PCDHGA5: variants seen among roughly 807,000 people sequenced by gnomAD.
PCDHGA5 encodes the protein protocadherin gamma subfamily A, 5.
A neutral mutation model predicts 56.7 loss-of-function variants in PCDHGA5; 36 were observed. That is an observed-to-expected ratio of 0.64 (90% confidence interval 0.49 to 0.84). PCDHGA5 has a LOEUF of 0.84. Ranked by LOEUF, PCDHGA5 falls within the 40% of genes least tolerant of loss-of-function variation. The pLI is 0.00. For synonymous variants in PCDHGA5, 563 were observed against 520.2 expected (o/e 1.08, Z -1.12); for missense variants, 1,305 against 1,201.5 (o/e 1.09, Z -1.27).
intron 1 of PCDHGA5, among the ~76,000 whole-genome samples, chr5:141,438,828 A>T (rs1364963084): frequency 6.7e-6 from 1 of 149,956 alleles, no homozygotes; most frequent in Non-Finnish European, 1.5e-5. Context: ...TGCCCAGCTA[A>T]TTTTTTAAAA....
In PCDHGA5 at chr5:141,366,458, G is replaced by A. The variant is rs555568322; in HGVS notation, c.2128G>A (p.Val710Met). 4 of 1,614,092 alleles carry A rather than the reference G, an allele frequency of 2.5e-6. No homozygotes were observed. In the African/African-American group the frequency reaches 4.0e-5, roughly 16 times the overall value. Residue 710 changes from valine (V) to methionine (M), a missense_variant, in exon 1 of 4, where the codon GTG becomes ATG. Physicochemically the swap from Val to Met is conservative, Grantham distance 21 (BLOSUM62 1). Coordinates refer to ENST00000518069, the MANE Select transcript of PCDHGA5 (RefSeq NM_018918.3). Reference sequence around the variant, plus strand: ...CTGCGTCTTCCTGGCCTTCGTCATCGTGCTGCTGGTGCTCAGACTGAGGCG... The same window carrying A: ...CTGCGTCTTCCTGGCCTTCGTCATCATGCTGCTGGTGCTCAGACTGAGGCG... ...VSCVFLAFVI[V>M]LLVLRLRRWH...
chr5:141,375,943 C>T lies in PCDHGA5; in HGVS notation c.2421+9192C>T, dbSNP rs111303338. 3.8e-3 allele frequency: 6,199 copies of T among 1,613,582 alleles called. 67 individuals are homozygous for T. Among genetic ancestry groups the T allele is most frequent in the African/African-American group, 0.036 (2,673 of 75,052 alleles). ...GCGAGCCAGGACTTTTCTCAGTGGG[C>T]CTGCACACGGGCGAGGTGCGCACGG... On this transcript the variant is annotated intron_variant, in intron 1 of 3. Coordinates refer to ENST00000518069, the MANE Select transcript of PCDHGA5 (RefSeq NM_018918.3).
At chr5:141,452,951 G>A (rs1397204185) in intron 1 of PCDHGA5, among the ~76,000 whole-genome samples, 1 of 152,154 alleles carries the variant, frequency 6.6e-6, no homozygotes, top group Admixed American at 6.6e-5. Context: ...GCAATTGGTT[G>A]TCTTTAAACT....
rs1474849292 is a variant in PCDHGA5 at position 141,454,205 on chromosome 5, G to T, written c.2422-40602G>T. Among the ~76,000 whole-genome samples, 3 of 152,154 alleles carry T rather than the reference G, an allele frequency of 2.0e-5. No individual in the cohort carries two copies. The East Asian group carries it at 5.8e-4, about 29-fold the overall frequency. ...GGAGCTTAGTGAAGGTGAATTTATT[G>T]ACATGAATGAGAAAAGTAATTGTGA... On this transcript the variant is annotated intron_variant, in intron 1 of 3. Coordinates refer to ENST00000518069, the MANE Select transcript of PCDHGA5 (RefSeq NM_018918.3).
chr5:141,492,616 G>C (rs976681246), intron 1 of PCDHGA5, among the ~76,000 whole-genome samples: 2 of 152,252 alleles, frequency 1.3e-5, no homozygotes, highest in African/African-American at 4.8e-5. Context: ...CTAAGTGCCG[G>C]GCGGGCAGGA....
intron 1 of PCDHGA5, among the ~76,000 whole-genome samples, chr5:141,474,010 C>G (rs989832548): frequency 1.3e-5 from 2 of 152,092 alleles, no homozygotes; most frequent in Admixed American, 1.3e-4. Flanking sequence ...CTGGAAGTTA[C>G]AGTGAGCTAT....
intron 1 of PCDHGA5, chr5:141,378,636 G>A (rs1775063094): frequency 6.6e-6 from 1 of 152,168 alleles, no homozygotes; most frequent in African/African-American, 2.4e-5. Context: ...CTGGTGAATG[G>A]GAGAACAAAT....
Position 141,364,942 on chromosome 5 carries a change from A to G in PCDHGA5, c.612A>G (p.Lys204=), listed in dbSNP as rs768570129. Residue 204 remains lysine (K), a synonymous_variant, in exon 1 of 4, where the codon AAA becomes AAG. Transcript: ENST00000518069. ...LVLEQPLDRE[K]ETVHDLLLTA... is the part of the protein sequence containing the mutation. ...TGGAACAGCCCCTAGACCGCGAGAAAGAGACTGTTCACGACCTCCTCCTCA... is the reference window on the plus strand; with the variant it reads ...TGGAACAGCCCCTAGACCGCGAGAAGGAGACTGTTCACGACCTCCTCCTCA... The G allele has an allele frequency of 6.2e-7, 1 of 1,613,802 alleles. No individual in the cohort carries two copies. The highest frequency in any genetic ancestry group is 2.2e-5 in the East Asian group (1 of 44,726).
chr5:141,486,555 A>T lies in PCDHGA5; in HGVS notation c.2422-8252A>T, dbSNP rs746001345. The T allele has an allele frequency of 6.2e-6, 10 of 1,614,078 alleles. No individual in the cohort carries two copies. Among genetic ancestry groups the T allele is most frequent in the Non-Finnish European group, 7.6e-6 (9 of 1,180,022 alleles). ...CCCTCTTTCTTTCAGAGGTCACATGAGGTGTTTGTTCCTGAGAACAATCGC... is the reference window on the plus strand; with the variant it reads ...CCCTCTTTCTTTCAGAGGTCACATGTGGTGTTTGTTCCTGAGAACAATCGC... On this transcript the variant is annotated intron_variant, in intron 1 of 3. Transcript: ENST00000518069. This position sits in a 1 kb window ranked among gnomAD's most constrained non-coding sequence, Gnocchi z 5.0.
In PCDHGA5 at chr5:141,399,103, C is replaced by G. The variant is rs376000100; in HGVS notation, c.2421+32352C>G. The G allele has an allele frequency of 1.6e-5, 26 of 1,613,722 alleles. No homozygotes were observed. The South Asian group carries it at 2.9e-4, about 18-fold the overall frequency. On this transcript the variant is annotated intron_variant, in intron 1 of 3. Transcript: ENST00000518069. ...GAGGGATGGTGGTGGACTGGTTGCA[C>G]AATGTACAGTTGAAATTAATATTCA... is the stretch of plus-strand genomic sequence containing the variant.
chr5:141,424,434 T>C (rs2096821185), intron 1 of PCDHGA5: 1 of 151,048 alleles, frequency 6.6e-6, no homozygotes, highest in Admixed American at 6.6e-5. Flanking sequence ...GAGGAAATAA[T>C]TGAATTATTG....
chr5:141,437,388 C>T (rs1434464979), intron 1 of PCDHGA5, among the ~76,000 whole-genome samples: 1 of 152,186 alleles, frequency 6.6e-6, no homozygotes, highest in Non-Finnish European at 1.5e-5. Context: ...AGACATTCAT[C>T]CACTGCTTTC....
rs1265422100 is a variant in PCDHGA5 at position 141,490,199 on chromosome 5, C to A, written c.2422-4608C>A. On this transcript the variant is annotated intron_variant, in intron 1 of 3. Transcript: ENST00000518069. This position sits in a 1 kb window ranked among gnomAD's most constrained non-coding sequence, Gnocchi z 5.4. The stretch of plus-strand genomic sequence containing the variant: ...GAGTCACGTTTCTATGAAATTCATG[C>A]AAGAGCCCGTGACCAGGGACAGCCT... The A allele has an allele frequency of 1.9e-6, 3 of 1,614,184 alleles. No homozygotes were observed. The highest frequency in any genetic ancestry group is 2.5e-6 in the Non-Finnish European group (3 of 1,180,024).
chr5:141,470,130 A>G (rs915991313), intron 1 of PCDHGA5, among the ~76,000 whole-genome samples: 4 of 151,534 alleles, frequency 2.6e-5, no homozygotes, highest in African/African-American at 4.9e-5. Flanking sequence ...CTTCGTCTCA[A>G]AAAAAAAGAT....
intron 1 of PCDHGA5, chr5:141,402,878 G>A: frequency 1.4e-6 from 2 of 1,471,050 alleles, no homozygotes; most frequent in Non-Finnish European, 1.8e-6. Context: ...ACCATACTTT[G>A]CAGGGTGGAA....
At chr5:141,404,692 C>G (rs543452623) in intron 1 of PCDHGA5, 2 of 1,614,080 alleles carry the variant, frequency 1.2e-6, no homozygotes, top group South Asian at 2.2e-5. Context: ...TGGCACCCCG[C>G]TCTGCAGAGC....
intron 1 of PCDHGA5, chr5:141,415,113 C>G: frequency 1.2e-6 from 2 of 1,613,642 alleles, no homozygotes; most frequent in Non-Finnish European, 1.7e-6. Context: ...AGCAAAGCCT[C>G]GTAGTGGCCG....
chr5:141,409,149 C>T (rs1248646625), intron 1 of PCDHGA5: 1 of 1,613,948 alleles, frequency 6.2e-7, no homozygotes, highest in Non-Finnish European at 8.5e-7. Context: ...GAAAGGTACA[C>T]CATGGAAGTG....
In PCDHGA5 at chr5:141,382,960, G is replaced by C. The variant is rs62621829; in HGVS notation, c.2421+16209G>C. The C allele has an allele frequency of 3.2e-4, 511 of 1,607,476 alleles. 2 individuals are homozygous for C. The highest frequency in any genetic ancestry group is 5.5e-5 in the Non-Finnish European group (65 of 1,175,660). On this transcript the variant is annotated intron_variant, in intron 1 of 3. Coordinates refer to ENST00000518069, the MANE Select transcript of PCDHGA5 (RefSeq NM_018918.3). ...ATTCTTCCTGCTCTCCATCCTCCTGGGGACCCCCTGGGAAGCCTGGGCAGG... is the reference window on the plus strand; with the variant it reads ...ATTCTTCCTGCTCTCCATCCTCCTGCGGACCCCCTGGGAAGCCTGGGCAGG...
Sources: allele counts gnomAD v4.1 joint callset (sites outside exome capture counted in the v4.1 genomes callset), GRCh38; gene constraint gnomAD v4.1.1; non-coding constraint Gnocchi (gnomAD v3.1); transcripts MANE v1.5; gene names NCBI Gene and HGNC (gene_info 2026-07-23, HGNC 2026-07-21).